CACNA1C: variants seen among roughly 807,000 people sequenced by gnomAD.
CACNA1C encodes the protein voltage-dependent L-type calcium channel subunit alpha-1C.
A neutral mutation model predicts 229.0 loss-of-function variants in CACNA1C; 30 were observed. The ratio of observed to expected loss-of-function variants is 0.13; its 90% CI spans 0.10 to 0.18. The LOEUF (loss-of-function observed/expected upper bound fraction) is 0.18. Among genes scored for constraint, CACNA1C ranks in the 10% least tolerant of loss-of-function variants. The pLI, the probability that CACNA1C is intolerant of heterozygous loss-of-function variation, is 1.00. For synonymous variants in CACNA1C, 1,114 were observed against 1,132.5 expected (o/e 0.98, Z 0.33); for missense variants, 1,658 against 2,845.0 (o/e 0.58, Z 9.49).
intron 5 of CACNA1C, among the ~76,000 whole-genome samples, chr12:2,484,584 C>A (rs1252172138): frequency 6.6e-6 from 1 of 152,136 alleles, no homozygotes; most frequent in Non-Finnish European, 1.5e-5. Flanking sequence ...GTCCCACACC[C>A]ACCGTTCTCT....
At chr12:1,974,812 A>G (rs1022630667) in intron 1 of CACNA1C, among the ~76,000 whole-genome samples, 1 of 152,186 alleles carries the variant, frequency 6.6e-6, no homozygotes, top group Non-Finnish European at 1.5e-5. Flanking sequence ...GTGAATCTCA[A>G]TGTACATAAA....
intron 3 of CACNA1C, among the ~76,000 whole-genome samples, chr12:2,231,929 C>T (rs1174910233): frequency 6.6e-6 from 1 of 152,004 alleles, no homozygotes; most frequent in Non-Finnish European, 1.5e-5. Context: ...TTTTTTTTTA[C>T]ATTTTATTTT....
intron 1 of CACNA1C, among the ~76,000 whole-genome samples, chr12:1,988,816 A>G (rs2038561961): frequency 6.6e-6 from 1 of 152,214 alleles, no homozygotes; most frequent in Non-Finnish European, 1.5e-5. Flanking sequence ...CGTTATTTAT[A>G]GCAGTTTTTC....
intron 3 of CACNA1C, among the ~76,000 whole-genome samples, chr12:2,390,504 A>G (rs1038119133): frequency 6.6e-6 from 1 of 152,262 alleles, no homozygotes; most frequent in Non-Finnish European, 1.5e-5. Context: ...GAAGAAAGAC[A>G]CAAATAAAAT....
At chr12:2,402,937 T>C (rs1441275071) in intron 3 of CACNA1C, among the ~76,000 whole-genome samples, 2 of 152,264 alleles carry the variant, frequency 1.3e-5, no homozygotes, top group Non-Finnish European at 2.9e-5. Flanking sequence ...TTTGACCCTC[T>C]GCTATGAGCA....
chr12:2,012,339 T>C (rs2044589056), intron 1 of CACNA1C, among the ~76,000 whole-genome samples: 2 of 152,334 alleles, frequency 1.3e-5, no homozygotes, highest in Middle Eastern at 3.4e-3. Flanking sequence ...ACAGGCTAAA[T>C]CTGGCCCTCT....
chr12:2,484,217 A>G (rs1283552712), intron 5 of CACNA1C, among the ~76,000 whole-genome samples: 2 of 152,212 alleles, frequency 1.3e-5, no homozygotes, highest in Middle Eastern at 3.2e-3. Context: ...GAGTTGCGTG[A>G]TGATCCCTGG....
intron 1 of CACNA1C, among the ~76,000 whole-genome samples, chr12:1,985,481 T>G (rs1267690528): frequency 6.6e-6 from 1 of 152,202 alleles, no homozygotes; most frequent in African/African-American, 2.4e-5. Flanking sequence ...TGCCAAGAAT[T>G]TCTATCTTTC....
chr12:2,584,687 CAG>C, intron 16 of CACNA1C, 70 bp downstream of exon 16: 2 of 1,035,916 alleles, frequency 1.9e-6, no homozygotes, highest in Non-Finnish European at 2.9e-6. Context: ...CCACTGGTGG[CAG>C]AGAGAGGCTT....
chr12:2,346,413 C>G lies in CACNA1C; in HGVS notation c.478-102563C>G, dbSNP rs553554647. Among the ~76,000 whole-genome samples, 1 of 152,218 alleles carries G rather than the reference C, an allele frequency of 6.6e-6. No homozygotes were observed. Among genetic ancestry groups the G allele is most frequent in the Non-Finnish European group, 1.5e-5 (1 of 68,014 alleles). ...GTTTGGGCAAGACTGTGTTCCACCC[C>G]CTTCCCCAGGCTTGGGACAAGCTCA... On this transcript the variant is annotated intron_variant, in intron 3 of 46. Coordinates refer to ENST00000399655, the MANE Select transcript of CACNA1C (RefSeq NM_000719.7). This position sits in a 1 kb window ranked among gnomAD's most constrained non-coding sequence, Gnocchi z 4.4.
Position 2,493,427 on chromosome 12 carries a change from C to A in CACNA1C, c.1113+41C>A, listed in dbSNP as rs372950929. 1 of 1,494,624 alleles carries A rather than the reference C, an allele frequency of 6.7e-7. No individual in the cohort carries two copies. The highest frequency in any genetic ancestry group is 9.3e-7 in the Non-Finnish European group (1 of 1,074,060). 92.6% of individuals were successfully genotyped at this position (1,494,624 alleles called of 1,614,324 possible). ...GGGCAGTCAGAGGGTGGGGGAACAGCGGCCGTGAACCCTTCCCTGACACCT... is the reference window on the plus strand; with the variant it reads ...GGGCAGTCAGAGGGTGGGGGAACAGAGGCCGTGAACCCTTCCCTGACACCT... On this transcript the variant is annotated intron_variant, in intron 7 of 46. Transcript: ENST00000399655. The surrounding 1 kb of genome is among the most constrained non-coding windows in gnomAD (Gnocchi z 4.6).
intron 3 of CACNA1C, among the ~76,000 whole-genome samples, chr12:2,414,732 C>A (rs986151473): frequency 2.6e-5 from 4 of 152,116 alleles, no homozygotes; most frequent in Admixed American, 2.0e-4. Flanking sequence ...AACCTTTGGA[C>A]TTTGCTTAAC....
chr12:2,191,958 A>G (rs1242002814), intron 3 of CACNA1C, among the ~76,000 whole-genome samples: 1 of 151,710 alleles, frequency 6.6e-6, no homozygotes, highest in African/African-American at 2.4e-5. Flanking sequence ...ACACGCACAC[A>G]TGTACTCACA....
chr12:2,132,402 T>G (rs1335366001), intron 3 of CACNA1C, among the ~76,000 whole-genome samples: 1 of 13,906 alleles, frequency 7.2e-5, no homozygotes, highest in Non-Finnish European at 1.2e-4. Flanking sequence ...AGGGAATGCT[T>G]CCAGTTTTTG....
chr12:2,353,713 A>G (rs2154527844), intron 3 of CACNA1C, among the ~76,000 whole-genome samples: 1 of 152,238 alleles, frequency 6.6e-6, no homozygotes, highest in African/African-American at 2.4e-5. Flanking sequence ...GCCTCAATCT[A>G]GAGGAGATTT....
intron 3 of CACNA1C, among the ~76,000 whole-genome samples, chr12:2,436,740 A>G (rs572776536): frequency 8.5e-5 from 13 of 152,386 alleles, no homozygotes; most frequent in Admixed American, 5.2e-4. Flanking sequence ...GCCCATCAAT[A>G]GAGCTGCTTT....
chr12:2,258,589 G>A (rs541910790), intron 3 of CACNA1C, among the ~76,000 whole-genome samples: 1 of 152,120 alleles, frequency 6.6e-6, no homozygotes, highest in African/African-American at 2.4e-5. Context: ...AGCCCATAAG[G>A]CTCCTCAGTG....
chr12:2,688,990 C>T (rs1351321806), intron 46 of CACNA1C, among the ~76,000 whole-genome samples: 1 of 152,192 alleles, frequency 6.6e-6, no homozygotes, highest in African/African-American at 2.4e-5. Context: ...AGGCTGGGCC[C>T]ACTGCAGAGG....
At chr12:2,122,419 G>GAC (rs2087256375) in intron 3 of CACNA1C, among the ~76,000 whole-genome samples, 1 of 152,148 alleles carries the variant, frequency 6.6e-6, no homozygotes, top group South Asian at 2.1e-4. Context: ...TGAAGGTGGG[G>GAC]GGTGGCATCA....
Sources: allele counts gnomAD v4.1 joint callset (sites outside exome capture counted in the v4.1 genomes callset), GRCh38; gene constraint gnomAD v4.1.1; non-coding constraint Gnocchi (gnomAD v3.1); transcripts MANE v1.5; gene names NCBI Gene and HGNC (gene_info 2026-07-23, HGNC 2026-07-21).